Variants in ANKS1B observed in about 807,000 individuals in gnomAD.
ANKS1B encodes the protein ankyrin repeat and sterile alpha motif domain containing 1B, also known as ankyrin repeat and sterile alpha motif domain-containing protein 1B.
In ANKS1B, 36 loss-of-function variants were observed where a neutral mutation model predicts 148.3. The ratio of observed to expected loss-of-function variants is 0.24; its 90% confidence interval spans 0.19 to 0.32. The LOEUF is 0.32. Ranked by LOEUF, ANKS1B falls within the 10% of genes least tolerant of loss-of-function variation. The pLI is 1.00. For missense variants in ANKS1B, 1,157 were observed against 1,542.6 expected, an observed-to-expected ratio of 0.75 and a Z score of 4.19; for synonymous variants, 542 against 560.8, an observed-to-expected ratio of 0.97 and a Z score of 0.47.
At position 98,857,611 on chromosome 12, in the gene ANKS1B, T is replaced by C. The variant is rs1301102104; in HGVS notation, c.2779-25475A>G. On this transcript the variant is annotated intron_variant, in intron 17 of 26. Transcript: ENST00000683438. Reference sequence around the variant, plus strand: ...CCTTGTTACCTTCATGCTCTCGGTGTAGTGGGAGGCAATGTCACTGGTTGA... The same window carrying C: ...CCTTGTTACCTTCATGCTCTCGGTGCAGTGGGAGGCAATGTCACTGGTTGA... Among the ~76,000 whole-genome samples, 4 of 151,770 alleles carry C rather than the reference T, an allele frequency of 2.6e-5. 1 individual carries two copies. In the East Asian group the frequency reaches 5.8e-4, roughly 22 times the overall value.
chr12:99,184,465 C>T (rs2079544863), intron 14 of ANKS1B, among the ~76,000 whole-genome samples: 1 of 152,166 alleles, frequency 6.6e-6, no homozygotes, highest in African/African-American at 2.4e-5. Context: ...ATATTAGAAA[C>T]ATCCCCTAGA....
intron 10 of ANKS1B, among the ~76,000 whole-genome samples, chr12:99,474,020 A>G (rs2096279784): frequency 6.6e-6 from 1 of 152,074 alleles, no homozygotes; most frequent in Non-Finnish European, 1.5e-5. Flanking sequence ...AATTATATTG[A>G]AAGATTTTTG....
At chr12:99,125,453 A>G (rs1020223262) in intron 15 of ANKS1B, among the ~76,000 whole-genome samples, 1 of 152,194 alleles carries the variant, frequency 6.6e-6, no homozygotes, top group African/African-American at 2.4e-5. Context: ...GGATCTTTTC[A>G]TTACAGCATG....
chr12:99,006,214 T>C (rs1232695945), intron 17 of ANKS1B, among the ~76,000 whole-genome samples: 1 of 152,192 alleles, frequency 6.6e-6, no homozygotes, highest in African/African-American at 2.4e-5. Flanking sequence ...TTCTGTAACT[T>C]ATCCTAAGGC....
intron 8 of ANKS1B, among the ~76,000 whole-genome samples, chr12:99,668,601 C>A (rs2098521205): frequency 6.6e-6 from 1 of 151,994 alleles, no homozygotes. Flanking sequence ...ACTTTAGCAA[C>A]TAGATTATGA....
intron 8 of ANKS1B, among the ~76,000 whole-genome samples, chr12:99,768,344 C>T (rs11110030): frequency 0.22 from 33,138 of 151,956 alleles, 3,780 homozygotes; most frequent in Middle Eastern, 0.26. Flanking sequence ...TAATTGAGGA[C>T]TGTGGTTTGA....
chr12:99,865,951 T>C (rs1429694769), intron 1 of ANKS1B, among the ~76,000 whole-genome samples: 1 of 152,128 alleles, frequency 6.6e-6, no homozygotes, highest in East Asian at 1.9e-4. Flanking sequence ...CCTGTGCTCC[T>C]CTAACCAGTA....
intron 4 of ANKS1B, among the ~76,000 whole-genome samples, chr12:99,804,562 G>C (rs1219436007): frequency 6.6e-6 from 1 of 152,050 alleles, no homozygotes; most frequent in Non-Finnish European, 1.5e-5. Flanking sequence ...ATTCAATAAA[G>C]AAAACTCTGG....
intron 8 of ANKS1B, among the ~76,000 whole-genome samples, chr12:99,754,317 T>C (rs1019859866): frequency 6.6e-6 from 1 of 152,168 alleles, no homozygotes; most frequent in Admixed American, 6.6e-5. Flanking sequence ...CTATCCTAAA[T>C]ATATATGCAC....
At chr12:99,762,726 A>G (rs1041682542) in intron 8 of ANKS1B, among the ~76,000 whole-genome samples, 1 of 152,176 alleles carries the variant, frequency 6.6e-6, no homozygotes, top group Non-Finnish European at 1.5e-5. Flanking sequence ...TAAACAGACA[A>G]CTTACAGAAT....
intron 15 of ANKS1B, among the ~76,000 whole-genome samples, chr12:99,128,223 T>C (rs1331306774): frequency 6.6e-6 from 1 of 152,172 alleles, no homozygotes; most frequent in Non-Finnish European, 1.5e-5. Flanking sequence ...TATTGTTAAG[T>C]ATTTATTTTA....
chr12:99,312,583 T>C (rs2083332306), intron 12 of ANKS1B, among the ~76,000 whole-genome samples: 1 of 152,160 alleles, frequency 6.6e-6, no homozygotes, highest in African/African-American at 2.4e-5. Flanking sequence ...GCAGCTTTCC[T>C]ATCTTGTATT....
chr12:99,737,271 A>G (rs1164919574), intron 8 of ANKS1B, among the ~76,000 whole-genome samples: 1 of 152,152 alleles, frequency 6.6e-6, no homozygotes, highest in Non-Finnish European at 1.5e-5. Context: ...AACAGCAAAG[A>G]CATGGAATCA....
At chr12:98,983,868 G>A (rs113364376) in intron 17 of ANKS1B, among the ~76,000 whole-genome samples, 12 of 152,320 alleles carry the variant, frequency 7.9e-5, no homozygotes, top group African/African-American at 2.6e-4. Context: ...CTCCACTTTT[G>A]GTTTCACCCT....
chr12:98,896,374 G>A (rs2099764602), intron 17 of ANKS1B, among the ~76,000 whole-genome samples: 1 of 152,126 alleles, frequency 6.6e-6, no homozygotes, highest in Non-Finnish European at 1.5e-5. Context: ...CCAGGCATCT[G>A]TGCATTATCT....
chr12:99,821,581 A>C (rs2082507153), intron 2 of ANKS1B, among the ~76,000 whole-genome samples: 1 of 152,080 alleles, frequency 6.6e-6, no homozygotes, highest in Non-Finnish European at 1.5e-5. Context: ...ACTGAAAATG[A>C]AGGAGGGATA....
chr12:99,501,929 A>G (rs1311652415), intron 10 of ANKS1B, among the ~76,000 whole-genome samples: 1 of 152,112 alleles, frequency 6.6e-6, no homozygotes, highest in Non-Finnish European at 1.5e-5. Flanking sequence ...ACTTTTAAGA[A>G]GTTTTTTTCT....
chr12:99,288,085 T>G (rs1328770804), intron 12 of ANKS1B, among the ~76,000 whole-genome samples: 3 of 151,974 alleles, frequency 2.0e-5, no homozygotes, highest in African/African-American at 7.2e-5. Context: ...CCAAGCAAAT[T>G]TAACCCAAAG....
chr12:99,868,409 T>C (rs558314591), intron 1 of ANKS1B, among the ~76,000 whole-genome samples: 76 of 152,302 alleles, frequency 5.0e-4, no homozygotes, highest in Non-Finnish European at 9.7e-4. Flanking sequence ...AGTTTTCTTC[T>C]TGAAATTGGA....
Sources: allele counts gnomAD v4.1 joint callset (sites outside exome capture counted in the v4.1 genomes callset), GRCh38; gene constraint gnomAD v4.1.1; transcripts MANE v1.5; gene names NCBI Gene and HGNC (gene_info 2026-07-23, HGNC 2026-07-21).